Variants in LPAR1 observed in about 807,000 individuals in gnomAD.
LPAR1 encodes the protein lysophosphatidic acid receptor 1, also known as LPA receptor 1.
A neutral mutation model predicts 23.8 loss-of-function variants in LPAR1; 5 were observed. That is an observed-to-expected ratio of 0.21 (90% confidence interval 0.11 to 0.44). The LOEUF (loss-of-function observed/expected upper bound fraction) is 0.44, where lower values mean the gene tolerates loss of function less well. LPAR1 is among the 20% of genes least tolerant of loss of function. The probability of loss-of-function intolerance (pLI) is 0.99; values close to 1 mark genes in which losing one functional copy is unlikely to be tolerated. For missense variants in LPAR1, 311 were observed against 482.8 expected (o/e 0.64, Z 3.33); for synonymous variants, 160 against 164.7 (o/e 0.97, Z 0.22).
At chr9:111,038,630 G>T (rs1179102809), upstream of LPAR1, 3 of 454,378 alleles carry the variant, frequency 6.6e-6, no homozygotes, top group Non-Finnish European at 1.3e-5. The surrounding 1 kb of genome is among the most constrained non-coding windows in gnomAD (Gnocchi z 4.4). Context: ...CGCCCTCCCC[G>T]CTCCCAAGCT....
chr9:111,035,537 T>G (rs1280267490), intron 2 of LPAR1, among the ~76,000 whole-genome samples: 1 of 152,132 alleles, frequency 6.6e-6, no homozygotes, highest in Admixed American at 6.5e-5. Context: ...GATATTTAAA[T>G]AAGAGGGTAA....
At chr9:110,928,101 T>C (rs1485447322) in intron 5 of LPAR1, among the ~76,000 whole-genome samples, 2 of 152,152 alleles carry the variant, frequency 1.3e-5, no homozygotes, top group Non-Finnish European at 2.9e-5. Context: ...CATCTGTTAC[T>C]ATTAAAGTTA....
At chr9:110,951,242 T>G (rs2095559957) in intron 4 of LPAR1, among the ~76,000 whole-genome samples, 1 of 151,994 alleles carries the variant, frequency 6.6e-6, no homozygotes, top group African/African-American at 2.4e-5. Context: ...AAAAATATAT[T>G]TATAAGCTCT....
chr9:110,878,349 C>G (rs192454325), intron 5 of LPAR1, among the ~76,000 whole-genome samples: 2 of 152,126 alleles, frequency 1.3e-5, no homozygotes, highest in Non-Finnish European at 2.9e-5. Flanking sequence ...CTACAGAAGA[C>G]GAAAATGGGG....
At chr9:110,912,667 C>T (rs1359612491) in intron 5 of LPAR1, among the ~76,000 whole-genome samples, 6 of 152,144 alleles carry the variant, frequency 3.9e-5, no homozygotes, top group African/African-American at 1.4e-4. Context: ...TTTGAACAAA[C>T]TATTGAAATA....
chr9:110,984,490 AGGCTGCTTCCAAATCTT>A (rs1268885947), intron 2 of LPAR1, among the ~76,000 whole-genome samples: 1 of 152,090 alleles, frequency 6.6e-6, no homozygotes, highest in Non-Finnish European at 1.5e-5. Flanking sequence ...ATGGACACTT[AGGCTGCTTCCAAATCTT>A]GGCTATTGTG....
chr9:110,901,790 T>G (rs898985130), intron 5 of LPAR1, among the ~76,000 whole-genome samples: 2 of 152,186 alleles, frequency 1.3e-5, no homozygotes, highest in Admixed American at 1.3e-4. Context: ...ATTTCAGTTT[T>G]GTTTACAGGG....
chr9:110,879,938 G>A (rs1156778215), intron 5 of LPAR1, among the ~76,000 whole-genome samples: 2 of 152,268 alleles, frequency 1.3e-5, no homozygotes, highest in East Asian at 3.9e-4. Flanking sequence ...TGTTTTGTAA[G>A]GGAGGTAAGG....
rs1397646964 is a variant in LPAR1, at chr9:110,941,787, C to A, written c.427G>T (p.Ala143Ser). The change falls in exon 5 of 6, where the codon GCA (alanine) becomes TCA (serine). Residue 143 changes from alanine (A) to serine (S), a missense_variant. Ala to Ser is a moderately conservative substitution (Grantham distance 99). Around this residue, in one of 2 missense-constraint regions of LPAR1, gnomAD observed 250 missense variants for 427.2 expected, o/e 0.59. Transcript: ENST00000683809. This position sits in a 1 kb window ranked among gnomAD's most constrained non-coding sequence, Gnocchi z 6.1. ...AAAACCGTAATGTGCCTCTCGATTG[C>A]AATAGCCAGTAAGTTGGCCACAGAT... Reference protein sequence around the residue: ...TASVANLLAIAIERHITVFRM... With the variant: ...TASVANLLAISIERHITVFRM... 1 of 1,614,156 alleles carries A rather than the reference C, an allele frequency of 6.2e-7. No individual in the cohort carries two copies. Among genetic ancestry groups the A allele is most frequent in the South Asian group, 1.1e-5 (1 of 91,068 alleles).
intron 5 of LPAR1, among the ~76,000 whole-genome samples, chr9:110,889,885 T>C (rs1344492026): frequency 1.3e-5 from 2 of 152,210 alleles, no homozygotes; most frequent in East Asian, 3.9e-4. Flanking sequence ...TTTTTACAAA[T>C]GAATACAAAT....
In LPAR1 at chr9:110,977,249, C is replaced by T. The variant is rs150810630; in HGVS notation, c.-181-3691G>A. Among the ~76,000 whole-genome samples the T allele has an allele frequency of 6.3e-3, 964 of 152,280 alleles. 10 individuals carry two copies. Among genetic ancestry groups the T allele is most frequent in the African/African-American group, 0.022 (921 of 41,552 alleles). The stretch of plus-strand genomic sequence containing the variant: ...AGACTTGGGGTACATTTAAAACACA[C>T]TAACTCCTTTAAAAGGGCTCCTGGC... On this transcript the variant is annotated intron_variant, in intron 2 of 5. Coordinates refer to ENST00000683809, the MANE Select transcript of LPAR1 (RefSeq NM_001351411.2).
At chr9:111,009,222 T>C (rs530188315) in intron 2 of LPAR1, among the ~76,000 whole-genome samples, 2 of 152,216 alleles carry the variant, frequency 1.3e-5, no homozygotes, top group African/African-American at 4.8e-5. Context: ...AAAAACACAG[T>C]ATTTCAAATT....
At chr9:110,956,052 G>A (rs2095732747) in intron 4 of LPAR1, among the ~76,000 whole-genome samples, 1 of 151,928 alleles carries the variant, frequency 6.6e-6, no homozygotes, top group Non-Finnish European at 1.5e-5. Context: ...ATAAAGATTA[G>A]GGCATAAAAA....
chr9:110,913,084 T>C (rs1404088460), intron 5 of LPAR1, among the ~76,000 whole-genome samples: 1 of 152,210 alleles, frequency 6.6e-6, no homozygotes, highest in Admixed American at 6.5e-5. Context: ...TGAAAGTAAT[T>C]GACTTGTCAA....
At chr9:111,024,204 G>C (rs922239130) in intron 2 of LPAR1, among the ~76,000 whole-genome samples, 1 of 151,826 alleles carries the variant, frequency 6.6e-6, no homozygotes, top group African/African-American at 2.4e-5. Context: ...AAATGCAGAA[G>C]ATGCAACTGG....
At position 110,983,033 on chromosome 9, in the gene LPAR1, G is replaced by C. The variant is rs544068127; in HGVS notation, c.-181-9475C>G. 5.9e-5 allele frequency among the ~76,000 whole-genome samples: 9 copies of C among 152,138 alleles called. No homozygotes were observed. In the South Asian group the frequency reaches 1.7e-3, roughly 28 times the overall value. The stretch of plus-strand genomic sequence containing the variant: ...AGAAAAGAAGTATTAGCAAGGATGT[G>C]AACAAACTGGAACCCAGCACTGCTG... On this transcript the variant is annotated intron_variant, in intron 2 of 5. Coordinates refer to ENST00000683809, the MANE Select transcript of LPAR1 (RefSeq NM_001351411.2).
chr9:111,012,499 A>G (rs1437056777), intron 2 of LPAR1, among the ~76,000 whole-genome samples: 2 of 151,752 alleles, frequency 1.3e-5, no homozygotes, highest in Admixed American at 1.3e-4. Context: ...ACACACATAC[A>G]CACTCAGTAT....
At chr9:111,010,086 A>T (rs2097305361) in intron 2 of LPAR1, among the ~76,000 whole-genome samples, 1 of 148,726 alleles carries the variant, frequency 6.7e-6, no homozygotes, top group South Asian at 2.1e-4. Context: ...AATTGTATAC[A>T]AACCTTTGTG....
At chr9:110,918,939 T>C (rs79073765) in intron 5 of LPAR1, among the ~76,000 whole-genome samples, 2,941 of 152,264 alleles carry the variant, frequency 0.019, 100 homozygotes, top group African/African-American at 0.065. Flanking sequence ...GGACACACCC[T>C]AAGATGTTCC....
Sources: allele counts gnomAD v4.1 joint callset (sites outside exome capture counted in the v4.1 genomes callset), GRCh38; gene constraint gnomAD v4.1.1; regional missense constraint gnomAD v4.1.1; non-coding constraint Gnocchi (gnomAD v3.1); transcripts MANE v1.5; gene names NCBI Gene and HGNC (gene_info 2026-07-23, HGNC 2026-07-21).